CNTNAP2: variants seen among roughly 807,000 people sequenced by gnomAD.
CNTNAP2 encodes the protein contactin-associated protein-like 2.
CNTNAP2 carries 98 observed loss-of-function variants against 155.2 expected under a neutral mutation model. That is an observed-to-expected ratio of 0.63 (90% CI 0.54 to 0.75). CNTNAP2 has a LOEUF of 0.75. Ranked by LOEUF, CNTNAP2 falls within the 30% of genes least tolerant of loss-of-function variation. CNTNAP2 has a pLI of 0.00. For synonymous variants in CNTNAP2, 651 were observed against 631.2 expected (o/e 1.03, Z -0.47); for missense variants, 1,727 against 1,688.1 (o/e 1.02, Z -0.40).
chr7:147,226,025 T>G (rs2116606988), intron 8 of CNTNAP2, among the ~76,000 whole-genome samples: 1 of 151,898 alleles, frequency 6.6e-6, no homozygotes. Flanking sequence ...GAAAGAAAAC[T>G]AAGAAGTTAT....
chr7:147,439,579 A>T (rs980660274), intron 10 of CNTNAP2, among the ~76,000 whole-genome samples: 4 of 152,016 alleles, frequency 2.6e-5, no homozygotes, highest in African/African-American at 9.7e-5. Flanking sequence ...AATGTTCTGT[A>T]AATATTTATT....
chr7:146,170,975 CGA>C (rs1365789340), intron 1 of CNTNAP2, among the ~76,000 whole-genome samples: 1 of 151,876 alleles, frequency 6.6e-6, no homozygotes, highest in Non-Finnish European at 1.5e-5. Flanking sequence ...TACAGTGAGC[CGA>C]GATTGCGCCA....
chr7:146,454,047 A>T (rs1796520343), intron 1 of CNTNAP2, among the ~76,000 whole-genome samples: 1 of 152,188 alleles, frequency 6.6e-6, no homozygotes, highest in Admixed American at 6.5e-5. Flanking sequence ...GTTCAAAAAA[A>T]TGGAAAAAGC....
At chr7:147,910,732 A>G (rs560601930) in intron 14 of CNTNAP2, among the ~76,000 whole-genome samples, 79 of 152,158 alleles carry the variant, frequency 5.2e-4, no homozygotes, top group African/African-American at 1.8e-3. Context: ...ATCAGATCTC[A>G]TGAGACTTAG....
chr7:147,932,490 G>A (rs769490568), intron 14 of CNTNAP2, among the ~76,000 whole-genome samples: 2 of 152,052 alleles, frequency 1.3e-5, no homozygotes, highest in Admixed American at 6.6e-5. Context: ...ATAGTGTTGG[G>A]GCATTGTATA....
At chr7:147,783,879 C>A (rs151271185) in intron 13 of CNTNAP2, among the ~76,000 whole-genome samples, 2 of 152,186 alleles carry the variant, frequency 1.3e-5, no homozygotes, top group East Asian at 3.9e-4. Flanking sequence ...AACTTCCCAG[C>A]CTCCAAAACT....
chr7:147,966,100 G>A (rs1801205089), intron 14 of CNTNAP2, among the ~76,000 whole-genome samples: 1 of 152,124 alleles, frequency 6.6e-6, no homozygotes, highest in Non-Finnish European at 1.5e-5. Context: ...GATGTTTGTA[G>A]AGAAAAGTTT....
chr7:147,929,441 G>C (rs578125512), intron 14 of CNTNAP2, among the ~76,000 whole-genome samples: 1 of 151,914 alleles, frequency 6.6e-6, no homozygotes, highest in African/African-American at 2.4e-5. Context: ...ACAAACTCAG[G>C]TTTTACTATC....
intron 21 of CNTNAP2, among the ~76,000 whole-genome samples, chr7:148,330,685 G>T (rs911465287): frequency 8.0e-5 from 12 of 150,612 alleles, no homozygotes; most frequent in Non-Finnish European, 1.5e-4. Flanking sequence ...TAGATGGAGT[G>T]GATGGAGTGG....
At chr7:146,177,160 ACT>A (rs1798481549) in intron 1 of CNTNAP2, among the ~76,000 whole-genome samples, 1 of 151,970 alleles carries the variant, frequency 6.6e-6, no homozygotes, top group African/African-American at 2.4e-5. Context: ...ATTTTGAATG[ACT>A]CTAATGTCTA....
Position 147,896,511 on chromosome 7 carries a change from C to T in CNTNAP2, c.2099-7054C>T, listed in dbSNP as rs897170077. ...ATCAGAGTTTTTAAGGACAACTTGG[C>T]GGGTCGGGGGGAAGCCAGTGAGCCA... On this transcript the variant is annotated intron_variant, in intron 13 of 23. Transcript: ENST00000361727. Among the ~76,000 whole-genome samples the T allele has an allele frequency of 3.9e-5, 6 of 152,130 alleles. No individual in the cohort carries two copies. In the South Asian group the frequency reaches 6.3e-4, roughly 16 times the overall value.
At chr7:147,173,887 G>C (rs1277316484) in intron 8 of CNTNAP2, among the ~76,000 whole-genome samples, 1 of 152,120 alleles carries the variant, frequency 6.6e-6, no homozygotes, top group Non-Finnish European at 1.5e-5. Context: ...CACAGAATTG[G>C]GGAGTGAGTA....
intron 13 of CNTNAP2, among the ~76,000 whole-genome samples, chr7:147,822,595 G>A (rs113728230): frequency 2.6e-5 from 4 of 152,118 alleles, no homozygotes; most frequent in South Asian, 2.1e-4. Flanking sequence ...AGTTTATCTC[G>A]TGTTCCTTTA....
intron 2 of CNTNAP2, among the ~76,000 whole-genome samples, chr7:146,814,305 C>T (rs777746642): frequency 1.4e-4 from 22 of 152,144 alleles, no homozygotes; most frequent in Non-Finnish European, 2.4e-4. Context: ...CTAGACCTTT[C>T]CAATCATTAA....
chr7:147,048,327 A>T (rs2129257544), intron 4 of CNTNAP2, among the ~76,000 whole-genome samples: 1 of 152,156 alleles, frequency 6.6e-6, no homozygotes, highest in East Asian at 1.9e-4. Context: ...CTGTAGTGAT[A>T]TGGCGATAAG....
At chr7:146,704,060 A>G (rs1037302903) in intron 1 of CNTNAP2, among the ~76,000 whole-genome samples, 2 of 152,178 alleles carry the variant, frequency 1.3e-5, no homozygotes, top group Non-Finnish European at 2.9e-5. Flanking sequence ...TAGACTCTGA[A>G]CAAATTAATA....
chr7:147,162,336 T>TG (rs1489193450), intron 8 of CNTNAP2, among the ~76,000 whole-genome samples: 1 of 152,204 alleles, frequency 6.6e-6, no homozygotes, highest in Non-Finnish European at 1.5e-5. Context: ...TTAACTATTA[T>TG]TATGAATAAT....
chr7:146,895,493 C>A (rs1795857687), intron 3 of CNTNAP2, among the ~76,000 whole-genome samples: 1 of 151,960 alleles, frequency 6.6e-6, no homozygotes, highest in Non-Finnish European at 1.5e-5. Context: ...ACAATAAAAT[C>A]TCATAATCAA....
intron 10 of CNTNAP2, among the ~76,000 whole-genome samples, chr7:147,441,813 T>C (rs74390850): frequency 2.2e-3 from 220 of 101,942 alleles, no homozygotes; most frequent in Middle Eastern, 0.017. Context: ...TGTAGTCTCT[T>C]TCTCTCTCTC....
Sources: gnomAD v4.1 joint callset for allele counts (sites outside exome capture counted in the v4.1 genomes callset) on GRCh38, gnomAD v4.1.1 for gene constraint, MANE v1.5 for transcripts, NCBI Gene and HGNC (gene_info 2026-07-23, HGNC 2026-07-21) for gene names.